Variants in ACSL3 observed in about 807,000 individuals in gnomAD.
ACSL3 encodes the protein fatty acid CoA ligase Acsl3.
ACSL3 carries 34 observed loss-of-function variants against 84.7 expected under a neutral mutation model. The ratio of observed to expected loss-of-function variants is 0.40; its 90% confidence interval spans 0.31 to 0.53. The LOEUF (loss-of-function observed/expected upper bound fraction) is 0.53, where lower values mean the gene tolerates loss of function less well. Among genes scored for constraint, ACSL3 ranks in the 20% least tolerant of loss-of-function variants. The pLI, the probability that ACSL3 is intolerant of heterozygous loss-of-function variation, is 0.48. For missense variants in ACSL3, 680 were observed against 873.1 expected (o/e 0.78, Z 2.79); for synonymous variants, 315 against 299.4 (o/e 1.05, Z -0.54).
At chr2:222,928,189 C>T (rs541294106) in intron 12 of ACSL3, among the ~76,000 whole-genome samples, 2 of 152,182 alleles carry the variant, frequency 1.3e-5, no homozygotes, top group African/African-American at 2.4e-5. Flanking sequence ...TCTTTCCTCA[C>T]ATCCTTGAAA....
intron 1 of ACSL3, among the ~76,000 whole-genome samples, chr2:222,871,828 T>A (rs1451848996): frequency 1.3e-5 from 2 of 152,060 alleles, no homozygotes; most frequent in Non-Finnish European, 2.9e-5. Flanking sequence ...TTCTGTTAAT[T>A]TTTAAGGCTT....
chr2:222,913,661 C>T (rs1696500737), intron 4 of ACSL3, among the ~76,000 whole-genome samples: 1 of 152,138 alleles, frequency 6.6e-6, no homozygotes, highest in Non-Finnish European at 1.5e-5. Context: ...GTTAATCAGG[C>T]CACCTTACTC....
At position 222,934,456 on chromosome 2, in the gene ACSL3, G is replaced by C. The variant is rs773985046; in HGVS notation, c.1848-74G>C. On this transcript the variant is annotated intron_variant, in intron 15 of 16. Coordinates refer to ENST00000357430, the MANE Select transcript of ACSL3 (RefSeq NM_004457.5). ...AAAAATGAGGAGTTATTTACTACTT[G>C]TCACTGTAATAATAACTGCAGTCAA... The C allele has an allele frequency of 2.5e-4, 304 of 1,238,816 alleles. 2 individuals carry two copies. In the Middle Eastern group the frequency reaches 4.0e-3, roughly 16 times the overall value. 76.7% of individuals were successfully genotyped at this position (1,238,816 alleles called of 1,614,324 possible).
At chr2:222,891,839 T>C (rs536103701) in intron 2 of ACSL3, among the ~76,000 whole-genome samples, 132 of 152,338 alleles carry the variant, frequency 8.7e-4, no homozygotes, top group African/African-American at 2.6e-3. Flanking sequence ...AAAATAAATA[T>C]AGGCTTTATA....
intron 1 of ACSL3, among the ~76,000 whole-genome samples, chr2:222,874,108 A>G (rs1040848402): frequency 6.6e-6 from 1 of 152,098 alleles, no homozygotes; most frequent in East Asian, 1.9e-4. Flanking sequence ...TGCAACCTCC[A>G]TCTCCCGGAT....
At chr2:222,925,888 A>T (rs1366663430) in intron 11 of ACSL3, among the ~76,000 whole-genome samples, 2 of 152,240 alleles carry the variant, frequency 1.3e-5, no homozygotes, top group Non-Finnish European at 2.9e-5. Context: ...TGATTTGATC[A>T]TAAAATAGCT....
chr2:222,921,689 C>A (rs932637915), intron 8 of ACSL3, among the ~76,000 whole-genome samples: 1 of 152,078 alleles, frequency 6.6e-6, no homozygotes, highest in African/African-American at 2.4e-5. Context: ...TTGTTTTAAT[C>A]AGCTTGTATT....
In ACSL3 at chr2:222,883,340, A is replaced by G. The variant is rs573856168; in HGVS notation, c.-206-4490A>G. Among the ~76,000 whole-genome samples the G allele has an allele frequency of 2.6e-5, 4 of 151,892 alleles. No homozygotes were observed. In the South Asian group the frequency reaches 8.3e-4, roughly 32 times the overall value. On this transcript the variant is annotated intron_variant, in intron 1 of 16. Transcript: ENST00000357430. ...GCTGGGATTACAGGCATGCGCCACTATGCCTGGCTAATTTTGTATTTTTAG... is the reference window on the plus strand; with the variant it reads ...GCTGGGATTACAGGCATGCGCCACTGTGCCTGGCTAATTTTGTATTTTTAG...
Position 222,921,329 on chromosome 2 carries a change from G to A in ACSL3, c.855G>A (p.Met285Ile). 1.2e-6 allele frequency: 2 copies of A among 1,602,696 alleles called. No homozygotes were observed. The highest frequency in any genetic ancestry group is 1.7e-6 in the Non-Finnish European group (2 of 1,170,478). ...TGCCCTCAGATATTGCAGTAATCAT[G>A]TACACAAGTGGATCCACAGGACTTC... ...KPLPSDIAVI[M>I]YTSGSTGLPK... is the part of the protein sequence containing the mutation. Residue 285 changes from methionine (M) to isoleucine (I), a missense_variant, in exon 8 of 17, where the codon ATG (methionine) becomes ATA (isoleucine). Coordinates refer to ENST00000357430, the MANE Select transcript of ACSL3 (RefSeq NM_004457.5).
At chr2:222,918,652 C>T (rs1468037142) in intron 6 of ACSL3, among the ~76,000 whole-genome samples, 2 of 147,986 alleles carry the variant, frequency 1.4e-5, no homozygotes, top group Non-Finnish European at 3.0e-5. Flanking sequence ...AGAAAATTCA[C>T]ATGTAAACTT....
intron 5 of ACSL3, chr2:222,916,770 A>G (rs1488409726): frequency 4.7e-5 from 12 of 257,890 alleles, no homozygotes; most frequent in Non-Finnish European, 8.7e-5. Flanking sequence ...CGTTGTTCCA[A>G]TACCATTTCT....
intron 1 of ACSL3, among the ~76,000 whole-genome samples, chr2:222,866,786 G>T: frequency 1.6e-5 from 1 of 61,642 alleles, no homozygotes; most frequent in African/African-American, 5.7e-5. Flanking sequence ...CCGCCCCGGG[G>T]AAATCATAAG....
intron 1 of ACSL3, among the ~76,000 whole-genome samples, chr2:222,869,966 T>C (rs535696258): frequency 1.3e-5 from 2 of 152,312 alleles, no homozygotes; most frequent in Non-Finnish European, 2.9e-5. Flanking sequence ...AACTAGCAGC[T>C]AGCAAATGGA....
rs546156773 is a variant in ACSL3, at chr2:222,925,025, C to T, written c.1292+430C>T. Among the ~76,000 whole-genome samples the T allele has an allele frequency of 9.5e-4, 60 of 63,162 alleles. 1 individual carries two copies. Among genetic ancestry groups the T allele is most frequent in the South Asian group, 3.5e-3 (4 of 1,132 alleles). The allele number at this position is 63,162 out of a possible 152,430, so 41.4% of individuals were successfully genotyped here. A position where few individuals can be genotyped will look rare whatever the true frequency, so the allele number is the denominator to read the frequency against. Reference sequence around the variant, plus strand: ...CTGCCTGGGCGACAGAGCGAGAATCCGTCTCAAAAAAAAAAAAAAAATCCA... The same window carrying T: ...CTGCCTGGGCGACAGAGCGAGAATCTGTCTCAAAAAAAAAAAAAAAATCCA... On this transcript the variant is annotated intron_variant, in intron 11 of 16. Transcript: ENST00000357430.
chr2:222,867,068 C>T (rs766709831), intron 1 of ACSL3, among the ~76,000 whole-genome samples: 8 of 151,938 alleles, frequency 5.3e-5, no homozygotes, highest in African/African-American at 1.2e-4. Context: ...CTCCTGACCT[C>T]GTGATCTGCC....
At chr2:222,921,186 G>A (rs1696724754) in intron 7 of ACSL3, 94 bp from the exon 8 acceptor site, 2 of 1,361,352 alleles carry the variant, frequency 1.5e-6, no homozygotes, top group Non-Finnish European at 2.1e-6. Context: ...AACTCAATTT[G>A]ATTGAGTTAT....
intron 3 of ACSL3, 92 bp from the exon 4 acceptor site, chr2:222,908,641 G>GAA: frequency 3.9e-5 from 27 of 700,186 alleles, no homozygotes; most frequent in Admixed American, 6.5e-5. Flanking sequence ...CTGCCTGATA[G>GAA]AAAAAAAAAA....
chr2:222,909,321 T>C (rs953959319), intron 4 of ACSL3, among the ~76,000 whole-genome samples, 171 bp downstream of exon 4: 5 of 152,234 alleles, frequency 3.3e-5, no homozygotes, highest in Non-Finnish European at 7.3e-5. Context: ...CCAGCACTGA[T>C]ATGTTCTGAG....
chr2:222,874,582 A>G (rs1695397717), intron 1 of ACSL3, among the ~76,000 whole-genome samples: 1 of 151,658 alleles, frequency 6.6e-6, no homozygotes, highest in African/African-American at 2.4e-5. Context: ...GCTGCTTGGG[A>G]GGATTATTTG....
Sources: allele counts gnomAD v4.1 joint callset (sites outside exome capture counted in the v4.1 genomes callset), GRCh38; gene constraint gnomAD v4.1.1; transcripts MANE v1.5; gene names NCBI Gene and HGNC (gene_info 2026-07-23, HGNC 2026-07-21).